Variants in PDE7A observed in about 807,000 individuals in gnomAD.
The protein encoded by PDE7A is phosphodiesterase 7A.
In PDE7A, 39 loss-of-function variants were observed where a neutral mutation model predicts 64.3. The ratio of observed to expected loss-of-function variants is 0.61; its 90% CI spans 0.47 to 0.79. The LOEUF (loss-of-function observed/expected upper bound fraction) is 0.79, where lower values mean the gene tolerates loss of function less well. Ranked by LOEUF, PDE7A falls within the 30% of genes least tolerant of loss-of-function variation. The probability of loss-of-function intolerance (pLI) is 0.00; values close to 1 mark genes in which losing one functional copy is unlikely to be tolerated. For missense variants in PDE7A, 470 were observed against 582.8 expected, an observed-to-expected ratio of 0.81 and a Z score of 1.99; for synonymous variants, 203 against 206.8, an observed-to-expected ratio of 0.98 and a Z score of 0.16.
intron 1 of PDE7A, among the ~76,000 whole-genome samples, chr8:65,819,323 G>A (rs770553187): frequency 5.9e-5 from 9 of 152,334 alleles, no homozygotes; most frequent in Admixed American, 6.5e-5. Flanking sequence ...CTTAAGCACG[G>A]ACGTTCAGGG....
At chr8:65,752,846 T>C (rs1371564394) in intron 3 of PDE7A, among the ~76,000 whole-genome samples, 2 of 152,214 alleles carry the variant, frequency 1.3e-5, no homozygotes, top group Non-Finnish European at 2.9e-5. Flanking sequence ...TAACTATTTG[T>C]TTGCTTTTCT....
chr8:65,798,206 AT>A lies in PDE7A; in HGVS notation c.139-15364del, dbSNP rs1554568896. Reference sequence around the variant, plus strand: ...TATATATATATATATATATATATATATTTTTTTTTTTTTGAGATGGAGTCTC... The same window carrying A: ...TATATATATATATATATATATATATATTTTTTTTTTTTGAGATGGAGTCTC... On this transcript the variant is annotated intron_variant, in intron 1 of 12. Transcript: ENST00000401827. Among the ~76,000 whole-genome samples the A allele has an allele frequency of 0.015, 1,086 of 73,794 alleles. 33 individuals carry two copies. The East Asian group carries it at 0.17, about 12-fold the overall frequency. The allele number at this position is 73,794 out of a possible 152,430, so 48.4% of individuals were successfully genotyped here. A position where few individuals can be genotyped will look rare whatever the true frequency, so the allele number is the denominator to read the frequency against.
intron 6 of PDE7A, 77 bp downstream of exon 6, chr8:65,739,425 T>C (rs934603913): frequency 5.3e-5 from 76 of 1,431,560 alleles, no homozygotes; most frequent in Non-Finnish European, 6.4e-5. Flanking sequence ...AGCTAACCGA[T>C]ATAACTGAGA....
intron 7 of PDE7A, among the ~76,000 whole-genome samples, chr8:65,730,171 C>CTTTTTTTTTTTTTTTTTTTT (rs1179431555): frequency 1.5e-4 from 13 of 86,436 alleles, no homozygotes; most frequent in South Asian, 4.7e-4. Flanking sequence ...TTGCGCACTT[C>CTTTTTTTTTTTTTTTTTTTT]TTTTTTTTTT....
chr8:65,749,335 G>C (rs953453746), intron 3 of PDE7A, among the ~76,000 whole-genome samples: 1 of 152,090 alleles, frequency 6.6e-6, no homozygotes, highest in African/African-American at 2.4e-5. Context: ...AATATCTGAT[G>C]AACTCTGAGG....
At chr8:65,755,008 A>G (rs1457850110) in intron 3 of PDE7A, among the ~76,000 whole-genome samples, 1 of 143,342 alleles carries the variant, frequency 7.0e-6, no homozygotes, top group Non-Finnish European at 1.5e-5. Flanking sequence ...TTGCCTGTTT[A>G]TTTTTTTTTT....
intron 1 of PDE7A, among the ~76,000 whole-genome samples, chr8:65,783,984 A>G (rs1254826297): frequency 6.6e-6 from 1 of 152,168 alleles, no homozygotes; most frequent in Non-Finnish European, 1.5e-5. Context: ...CAACATTTAG[A>G]ACAGTGCCTA....
chr8:65,824,292 C>G (rs1431685888), intron 1 of PDE7A, among the ~76,000 whole-genome samples: 1 of 152,158 alleles, frequency 6.6e-6, no homozygotes, highest in African/African-American at 2.4e-5. Flanking sequence ...GTCCACATAA[C>G]ACTCAAATTT....
chr8:65,718,335 C>T lies in PDE7A; in HGVS notation c.*955G>A, dbSNP rs1211790061. The T allele has an allele frequency of 6.6e-6, 1 of 152,292 alleles. No homozygotes were observed. Among genetic ancestry groups the T allele is most frequent in the East Asian group, 1.9e-4 (1 of 5,202 alleles). The allele number at this position is 152,292 out of a possible 1,614,324, so 9.4% of individuals were successfully genotyped here. ...CACACAACATACCTCTCACTCACTG[C>T]AGCGAAAGGGACTTTAGTACCCTTG... On this transcript the variant is annotated 3_prime_UTR_variant, in exon 13 of 13. Coordinates refer to ENST00000401827, the MANE Select transcript of PDE7A (RefSeq NM_001242318.3).
At chr8:65,791,066 A>G (rs1345603263) in intron 1 of PDE7A, among the ~76,000 whole-genome samples, 2 of 152,188 alleles carry the variant, frequency 1.3e-5, no homozygotes, top group Admixed American at 1.3e-4. Flanking sequence ...TCTTCCAATC[A>G]ACTGCTCAAA....
chr8:65,812,289 A>C (rs1233348461), intron 1 of PDE7A, among the ~76,000 whole-genome samples: 1 of 152,150 alleles, frequency 6.6e-6, no homozygotes, highest in Admixed American at 6.5e-5. Flanking sequence ...GTGGTGTTTC[A>C]AATAAATGGA....
chr8:65,793,658 G>A lies in PDE7A; in HGVS notation c.139-10815C>T, dbSNP rs151097915. 1.1e-4 allele frequency among the ~76,000 whole-genome samples: 17 copies of A among 152,254 alleles called. 1 individual carries two copies. The East Asian group carries it at 3.3e-3, about 29-fold the overall frequency. On this transcript the variant is annotated intron_variant, in intron 1 of 12. Transcript: ENST00000401827. Reference sequence around the variant, plus strand: ...CTGAATACCACTGCAGATGATGCATGATTACATGCATATTTTAATGTCGAC... The same window carrying A: ...CTGAATACCACTGCAGATGATGCATAATTACATGCATATTTTAATGTCGAC...
rs185275474 is a variant in PDE7A at position 65,818,046 on chromosome 8, C to T, written c.138+23325G>A. ...GGATTACAGGCATGAGCCACCACAC[C>T]CAGCCAGCTTTTTTGTTATTTAAAA... is the stretch of plus-strand genomic sequence containing the variant. On this transcript the variant is annotated intron_variant, in intron 1 of 12. Coordinates refer to ENST00000401827, the MANE Select transcript of PDE7A (RefSeq NM_001242318.3). Among the ~76,000 whole-genome samples, 54 of 152,284 alleles carry T rather than the reference C, an allele frequency of 3.5e-4. 1 individual carries two copies. Among genetic ancestry groups the T allele is most frequent in the Admixed American group, 3.2e-3 (49 of 15,290 alleles).
intron 4 of PDE7A, among the ~76,000 whole-genome samples, chr8:65,746,926 G>A (rs1807700061): frequency 1.3e-5 from 2 of 152,112 alleles, no homozygotes; most frequent in African/African-American, 2.4e-5. Context: ...AATCTGGTCT[G>A]TAAATATTAA....
Position 65,717,440 on chromosome 8 carries a change from C to T in PDE7A, c.*1850G>A, listed in dbSNP as rs1473331256. 1 of 152,132 alleles carries T rather than the reference C, an allele frequency of 6.6e-6. No individual in the cohort carries two copies. The highest frequency in any genetic ancestry group is 1.5e-5 in the Non-Finnish European group (1 of 68,024). 9.4% of individuals were successfully genotyped at this position (152,132 alleles called of 1,614,324 possible). A position where few individuals can be genotyped will look rare whatever the true frequency, so the allele number is the denominator to read the frequency against. On this transcript the variant is annotated 3_prime_UTR_variant, in exon 13 of 13. Transcript: ENST00000401827. The stretch of plus-strand genomic sequence containing the variant: ...CTTGCTGATGTCTTATGCAGTTCAC[C>T]ACTGTAGGAACAAAAGGCCTGGCTC...
intron 1 of PDE7A, among the ~76,000 whole-genome samples, chr8:65,798,206 A>ATATATATATTTTTTTT: frequency 5.4e-5 from 4 of 73,834 alleles, no homozygotes; most frequent in African/African-American, 1.2e-4. Context: ...ATATATATAT[A>ATATATATATTTTTTTT]TTTTTTTTTT....
chr8:65,782,007 T>A (rs562487925), intron 2 of PDE7A, among the ~76,000 whole-genome samples: 1 of 152,274 alleles, frequency 6.6e-6, no homozygotes, highest in Non-Finnish European at 1.5e-5. Flanking sequence ...GGGGAACACT[T>A]CAGCTTAAAA....
At chr8:65,822,551 T>A (rs779643786) in intron 1 of PDE7A, among the ~76,000 whole-genome samples, 1 of 152,210 alleles carries the variant, frequency 6.6e-6, no homozygotes. Context: ...AAATAAACAG[T>A]ATCCACTCTT....
chr8:65,733,367 A>G (rs1806983576), intron 7 of PDE7A, among the ~76,000 whole-genome samples: 1 of 152,084 alleles, frequency 6.6e-6, no homozygotes, highest in Non-Finnish European at 1.5e-5. Context: ...CCATCTTTCC[A>G]CTTACCAGAT....
Sources: allele counts gnomAD v4.1 joint callset (sites outside exome capture counted in the v4.1 genomes callset), GRCh38; gene constraint gnomAD v4.1.1; transcripts MANE v1.5; gene names NCBI Gene and HGNC (gene_info 2026-07-23, HGNC 2026-07-21).